Variants in DAD1 observed in about 807,000 individuals in gnomAD.
DAD1 encodes defender against cell death 1.
Under a neutral mutation model 9.0 loss-of-function variants are expected in DAD1, and 4 were observed. The observed-to-expected ratio is 0.44, with a 90% CI of 0.22 to 1.01. The LOEUF is 1.01. Ranked by LOEUF, DAD1 falls within the 50% of genes least tolerant of loss-of-function variation. The probability of loss-of-function intolerance (pLI) is 0.24; values close to 1 mark genes in which losing one functional copy is unlikely to be tolerated. For synonymous variants in DAD1, 60 were observed against 62.5 expected (o/e 0.96, Z 0.19); for missense variants, 119 against 137.3 (o/e 0.87, Z 0.67).
chr14:22,575,690 G>A lies in DAD1; in HGVS notation c.212-457C>T, dbSNP rs557640302. On this transcript the variant is annotated intron_variant, in intron 1 of 2. Transcript: ENST00000250498. ...AGCCTCCCAAGTAGCCGGGACTACA[G>A]GCATGCGCCACCATGCCCGGCTAAT... Among the ~76,000 whole-genome samples the A allele has an allele frequency of 3.9e-5, 6 of 152,314 alleles. No homozygotes were observed. The South Asian group carries it at 1.2e-3, about 32-fold the overall frequency.
At chr14:22,584,203 C>T (rs2037137017) in intron 1 of DAD1, among the ~76,000 whole-genome samples, 1 of 152,134 alleles carries the variant, frequency 6.6e-6, no homozygotes, top group Non-Finnish European at 1.5e-5. Flanking sequence ...CTATTCCTGA[C>T]ATGACTATAG....
At chr14:22,578,627 T>C (rs966644387) in intron 1 of DAD1, among the ~76,000 whole-genome samples, 3 of 152,352 alleles carry the variant, frequency 2.0e-5, no homozygotes, top group African/African-American at 7.2e-5. Flanking sequence ...TAAAACTTGG[T>C]AAAACCAATC....
At chr14:22,575,033 G>C in intron 2 of DAD1, 26 bp downstream of exon 2, 1 of 1,564,290 alleles carries the variant, frequency 6.4e-7, no homozygotes, top group Non-Finnish European at 8.7e-7. Context: ...CAACATTATA[G>C]GACAAGGACT....
At chr14:22,587,422 C>G (rs911368933) in intron 1 of DAD1, among the ~76,000 whole-genome samples, 1 of 152,118 alleles carries the variant, frequency 6.6e-6, no homozygotes, top group Admixed American at 6.6e-5. Context: ...ACATATAGTA[C>G]CGTGGCAGAG....
At position 22,566,581 on chromosome 14, in the gene DAD1, G is replaced by A. The variant is rs5742860; in HGVS notation, c.*45-1444C>T. Among the ~76,000 whole-genome samples the A allele has an allele frequency of 4.2e-3, 632 of 152,174 alleles. 5 individuals are homozygous for A. The highest frequency in any genetic ancestry group is 0.014 in the African/African-American group (597 of 41,534). The stretch of plus-strand genomic sequence containing the variant: ...ACTCCTGACCTCAGGTGATCCACCC[G>A]CCCCAGCCTCCCAAAGTGCTGGGAT... On this transcript the variant is annotated intron_variant, in intron 2 of 2. Transcript: ENST00000250498.
chr14:22,566,244 C>G (rs1033742278), intron 2 of DAD1, among the ~76,000 whole-genome samples: 1 of 152,052 alleles, frequency 6.6e-6, no homozygotes, highest in Non-Finnish European at 1.5e-5. Flanking sequence ...CCAAACAAAA[C>G]CAAACAGACC....
At chr14:22,578,468 AG>A (rs762743916) in intron 1 of DAD1, among the ~76,000 whole-genome samples, 74 of 152,294 alleles carry the variant, frequency 4.9e-4, no homozygotes, top group Admixed American at 1.6e-3. Context: ...CAGGAGGCTG[AG>A]GCAGGAGAAT....
chr14:22,585,999 G>T (rs1194526926), intron 1 of DAD1, among the ~76,000 whole-genome samples: 1 of 152,138 alleles, frequency 6.6e-6, no homozygotes, highest in Non-Finnish European at 1.5e-5. Flanking sequence ...GAGGTCAGGA[G>T]ATCAAGACCA....
intron 2 of DAD1, among the ~76,000 whole-genome samples, chr14:22,572,867 A>G (rs1393954349): frequency 1.3e-5 from 2 of 152,208 alleles, no homozygotes; most frequent in Non-Finnish European, 1.5e-5. Context: ...AGAAGGCTCT[A>G]TCAGGAAGCC....
At chr14:22,566,682 CA>C (rs1395705386) in intron 2 of DAD1, among the ~76,000 whole-genome samples, 1 of 152,170 alleles carries the variant, frequency 6.6e-6, no homozygotes, top group Non-Finnish European at 1.5e-5. Flanking sequence ...ATGCCATTTT[CA>C]GTGAACAAAG....
chr14:22,582,583 A>T (rs1174184464), intron 1 of DAD1, among the ~76,000 whole-genome samples: 1 of 152,206 alleles, frequency 6.6e-6, no homozygotes, highest in Non-Finnish European at 1.5e-5. Context: ...AGCTCAGGGG[A>T]ATGGTAGTAA....
At chr14:22,586,807 G>A (rs2037156040) in intron 1 of DAD1, among the ~76,000 whole-genome samples, 1 of 152,134 alleles carries the variant, frequency 6.6e-6, no homozygotes, top group African/African-American at 2.4e-5. Context: ...GCTAACAAAT[G>A]GCAGAAGAGG....
chr14:22,570,961 G>C (rs1336797250), intron 2 of DAD1, among the ~76,000 whole-genome samples: 13 of 151,184 alleles, frequency 8.6e-5, no homozygotes, highest in Admixed American at 7.9e-4. Flanking sequence ...ATACAGTTCT[G>C]TCCTTCTTTT....
At chr14:22,577,824 C>T (rs1254877865) in intron 1 of DAD1, among the ~76,000 whole-genome samples, 2 of 151,572 alleles carry the variant, frequency 1.3e-5, no homozygotes, top group Non-Finnish European at 2.9e-5. Flanking sequence ...ATTTCAGTTG[C>T]GGAAGACAAA....
intron 1 of DAD1, among the ~76,000 whole-genome samples, chr14:22,575,635 C>G (rs571843048): frequency 4.6e-5 from 7 of 152,308 alleles, no homozygotes; most frequent in African/African-American, 1.4e-4. Context: ...GCAATCTCCA[C>G]CTGCTGGGTT....
intron 2 of DAD1, among the ~76,000 whole-genome samples, chr14:22,570,944 T>C (rs1177979956): frequency 6.6e-6 from 1 of 152,116 alleles, no homozygotes; most frequent in Non-Finnish European, 1.5e-5. Flanking sequence ...TCTCAAACTG[T>C]GATCCAATAC....
At position 22,589,194 on chromosome 14, in the gene DAD1, T is replaced by C; in HGVS notation, c.-37A>G. 6.2e-7 allele frequency: 1 copy of C among 1,607,622 alleles called. No individual in the cohort carries two copies. Among genetic ancestry groups the C allele is most frequent in the Non-Finnish European group, 8.5e-7 (1 of 1,174,690 alleles). ...AGGTACTCCGGTCCGCGCCCCAAAC[T>C]CTTGGAGGACCCGTCGACCACACCG... On this transcript the variant is annotated 5_prime_UTR_variant, in exon 1 of 3. Coordinates refer to ENST00000250498, the MANE Select transcript of DAD1 (RefSeq NM_001344.4).
At chr14:22,568,606 AAC>A (rs914602961) in intron 2 of DAD1, among the ~76,000 whole-genome samples, 20 of 152,276 alleles carry the variant, frequency 1.3e-4, no homozygotes, top group African/African-American at 4.8e-4. Flanking sequence ...ATCCTCTCAC[AAC>A]ACAGACAGAG....
intron 2 of DAD1, among the ~76,000 whole-genome samples, chr14:22,573,269 C>A (rs1400164384): frequency 6.6e-6 from 1 of 151,898 alleles, no homozygotes; most frequent in Non-Finnish European, 1.5e-5. Context: ...ACCTCGCCTT[C>A]CGAAAGTGCT....
Sources: gnomAD v4.1 joint callset for allele counts (sites outside exome capture counted in the v4.1 genomes callset) on GRCh38, gnomAD v4.1.1 for gene constraint, MANE v1.5 for transcripts, NCBI Gene and HGNC (gene_info 2026-07-23, HGNC 2026-07-21) for gene names.